Variants in PID1 observed in about 807,000 individuals in gnomAD.
The protein encoded by PID1 is PTB-containing, cubilin and LRP1-interacting protein.
A neutral mutation model predicts 19.1 loss-of-function variants in PID1; 10 were observed. The ratio of observed to expected loss-of-function variants is 0.52; its 90% CI spans 0.32 to 0.89. PID1 has a LOEUF of 0.89. PID1 is among the 40% of genes least tolerant of loss of function. PID1 has a pLI of 0.03. For missense variants in PID1, 248 were observed against 285.3 expected, an observed-to-expected ratio of 0.87 and a Z score of 0.94; for synonymous variants, 130 against 116.0, an observed-to-expected ratio of 1.12 and a Z score of -0.78.
chr2:229,221,483 T>C (rs1159659935), intron 1 of PID1, among the ~76,000 whole-genome samples: 3 of 152,128 alleles, frequency 2.0e-5, no homozygotes, highest in Non-Finnish European at 2.9e-5. Flanking sequence ...CTTGAGACCT[T>C]CTCTTCATTC....
chr2:229,257,008 C>T (rs1477221054), intron 1 of PID1, among the ~76,000 whole-genome samples: 2 of 152,178 alleles, frequency 1.3e-5, no homozygotes, highest in East Asian at 3.9e-4. Context: ...GTTTAACAGT[C>T]TGAATGGGTT....
intron 2 of PID1, among the ~76,000 whole-genome samples, chr2:229,035,196 G>A (rs182802213): frequency 6.6e-6 from 1 of 152,232 alleles, no homozygotes; most frequent in African/African-American, 2.4e-5. Flanking sequence ...AATAGACTAC[G>A]AATAAAGCAG....
intron 1 of PID1, chr2:229,236,517 G>A (rs1351193724): frequency 1.3e-5 from 2 of 152,158 alleles, no homozygotes; most frequent in Non-Finnish European, 2.9e-5. Context: ...TGGTAAAGGA[G>A]AAAGGAGCAG....
intron 1 of PID1, among the ~76,000 whole-genome samples, chr2:229,171,412 G>A (rs543483681): frequency 2.0e-5 from 3 of 152,290 alleles, no homozygotes; most frequent in Admixed American, 6.5e-5. Flanking sequence ...TGTTCTACAC[G>A]TTATCTTTAG....
chr2:229,163,646 A>G (rs1270632666), intron 1 of PID1, among the ~76,000 whole-genome samples: 1 of 136,810 alleles, frequency 7.3e-6, no homozygotes, highest in South Asian at 2.4e-4. Flanking sequence ...AGGGAGAGAG[A>G]GAGAGTGTGT....
In PID1 at chr2:229,131,216, CTTT is replaced by C. The variant is rs1380079199; in HGVS notation, c.177+24599_177+24601del. On this transcript the variant is annotated intron_variant, in intron 2 of 2. Transcript: ENST00000392055. ...CTACATTTTTCTTTTCTTTTCTTTT[CTTT>C]TCTCTTTTCTTTTCTTCTCTTTTTT... 2.5e-4 allele frequency among the ~76,000 whole-genome samples: 38 copies of C among 151,656 alleles called. 2 individuals are homozygous for C. In the South Asian group the frequency reaches 6.9e-3, roughly 28 times the overall value.
Position 229,198,140 on chromosome 2 carries a change from A to G in PID1, c.31-42176T>C, listed in dbSNP as rs1361500779. On this transcript the variant is annotated intron_variant, in intron 1 of 2. Transcript: ENST00000392055. ...GCTTTTCAAACAAATATTTTTCTGG[A>G]AACTATATAGAAAAATCTTCCCGAA... 2.0e-5 allele frequency among the ~76,000 whole-genome samples: 3 copies of G among 152,010 alleles called. No homozygotes were observed. The East Asian group carries it at 5.8e-4, about 29-fold the overall frequency.
At chr2:229,211,598 G>A (rs567136230) in intron 1 of PID1, among the ~76,000 whole-genome samples, 24 of 152,228 alleles carry the variant, frequency 1.6e-4, no homozygotes, top group Middle Eastern at 3.4e-3. Context: ...TCTGCCATTA[G>A]CCAAAAAAGC....
intron 1 of PID1, among the ~76,000 whole-genome samples, chr2:229,162,458 G>C (rs973733557): frequency 6.6e-6 from 1 of 152,184 alleles, no homozygotes; most frequent in Non-Finnish European, 1.5e-5. Context: ...TAGAGGGAAG[G>C]CATTAAGATT....
chr2:229,052,393 TTC>T (rs1375616638), intron 2 of PID1, among the ~76,000 whole-genome samples: 2 of 152,150 alleles, frequency 1.3e-5, no homozygotes, highest in Non-Finnish European at 2.9e-5. Context: ...CAATTAAATA[TTC>T]TGTTTTAAAG....
intron 1 of PID1, among the ~76,000 whole-genome samples, chr2:229,187,599 C>T (rs997959975): frequency 1.1e-4 from 16 of 152,132 alleles, no homozygotes; most frequent in African/African-American, 3.9e-4. Flanking sequence ...CCACTGGTCC[C>T]TCCCACAATA....
intron 2 of PID1, among the ~76,000 whole-genome samples, chr2:229,039,621 TCTTAA>T (rs1693727369): frequency 6.6e-6 from 1 of 152,230 alleles, no homozygotes; most frequent in Non-Finnish European, 1.5e-5. Flanking sequence ...CTAGATTATC[TCTTAA>T]CTGACGGATT....
intron 2 of PID1, among the ~76,000 whole-genome samples, chr2:229,155,513 C>A (rs1316596467): frequency 6.7e-6 from 1 of 150,202 alleles, no homozygotes; most frequent in African/African-American, 2.4e-5. Flanking sequence ...GCGGAGCTTG[C>A]AGTGAGCCGA....
At chr2:229,195,418 A>G (rs552456495) in intron 1 of PID1, among the ~76,000 whole-genome samples, 91 of 152,016 alleles carry the variant, frequency 6.0e-4, no homozygotes, top group African/African-American at 2.0e-3. Context: ...ATGCATACAT[A>G]CATGTATAAA....
intron 1 of PID1, among the ~76,000 whole-genome samples, chr2:229,218,295 A>G (rs1691892184): frequency 3.9e-4 from 1 of 2,536 alleles, no homozygotes; most frequent in African/African-American, 1.3e-3. Context: ...TTCCTGAGCA[A>G]AAAAAAAAAA....
At chr2:229,139,155 G>GAAAGAAAGAAAGAAAGAAAGAA (rs1559252010) in intron 2 of PID1, among the ~76,000 whole-genome samples, 1 of 112,746 alleles carries the variant, frequency 8.9e-6, no homozygotes. Context: ...GAAAGCAAGC[G>GAAAGAAAGAAAGAAAGAAAGAA]AGCGAGCAAG....
At chr2:229,043,051 G>C (rs944712958) in intron 2 of PID1, among the ~76,000 whole-genome samples, 1 of 151,586 alleles carries the variant, frequency 6.6e-6, no homozygotes, top group Non-Finnish European at 1.5e-5. Flanking sequence ...TGTCTCCCAG[G>C]CTGAAGTGCA....
intron 2 of PID1, among the ~76,000 whole-genome samples, chr2:229,054,545 C>T (rs1694056335): frequency 6.6e-6 from 1 of 152,164 alleles, no homozygotes; most frequent in Admixed American, 6.5e-5. Flanking sequence ...CGCAATGTGA[C>T]CAGCCAGTCA....
At chr2:229,115,558 T>C (rs1695394445) in intron 2 of PID1, among the ~76,000 whole-genome samples, 2 of 152,180 alleles carry the variant, frequency 1.3e-5, no homozygotes, top group South Asian at 2.1e-4. Flanking sequence ...AGGAAACACA[T>C]GGTTTGAATC....
Sources: allele counts gnomAD v4.1 joint callset (sites outside exome capture counted in the v4.1 genomes callset), GRCh38; gene constraint gnomAD v4.1.1; transcripts MANE v1.5; gene names NCBI Gene and HGNC (gene_info 2026-07-23, HGNC 2026-07-21).